The following TSC1 variants were observed in gnomAD, a reference collection of about 807,000 sequenced individuals.
TSC1 encodes the protein hamartin.
In TSC1, 20 loss-of-function variants were observed where a neutral mutation model predicts 124.3. The ratio of observed to expected loss-of-function variants is 0.16; its 90% CI spans 0.11 to 0.23. The LOEUF is 0.23. TSC1 is among the 10% of genes least tolerant of loss of function. TSC1 has a pLI of 1.00. For synonymous variants in TSC1, 493 were observed against 539.1 expected (o/e 0.91, Z 1.19); for missense variants, 1,124 against 1,448.5 (o/e 0.78, Z 3.64).
At chr9:132,937,873 C>T (rs1051215535) in intron 1 of TSC1, among the ~76,000 whole-genome samples, 2 of 152,270 alleles carry the variant, frequency 1.3e-5, no homozygotes, top group East Asian at 3.9e-4. Flanking sequence ...CACCACCATG[C>T]CCAACTAATT....
In TSC1 at chr9:132,925,718, C is replaced by G. The variant is rs1588355838; in HGVS notation, c.232G>C (p.Glu78Gln). The change falls in exon 5 of 23, where the codon GAA (glutamate) becomes CAA (glutamine). Residue 78 changes from glutamate (E) to glutamine (Q), a missense_variant. This residue lies in a region of TSC1 where 463 missense variants were observed against 606.8 expected (regional missense o/e 0.76). Coordinates refer to ENST00000298552, the MANE Select transcript of TSC1 (RefSeq NM_000368.5). Reference protein sequence around the residue: ...HDKHLLDRINEYVGKAATRLS... With the variant: ...HDKHLLDRINQYVGKAATRLS... ...CGAGTGGCGGCTTTGCCCACATATT[C>G]GTTAATCCTGTCCAAGAGGTGCTGA... The G allele has an allele frequency of 1.9e-6, 3 of 1,614,156 alleles. No individual in the cohort carries two copies. Among genetic ancestry groups the G allele is most frequent in the Non-Finnish European group, 2.5e-6 (3 of 1,180,032 alleles).
chr9:132,935,677 C>A (rs1847422765), intron 1 of TSC1, among the ~76,000 whole-genome samples: 1 of 152,202 alleles, frequency 6.6e-6, no homozygotes, highest in Admixed American at 6.5e-5. Context: ...CTGCCACAGT[C>A]CCCACAGTCC....
In TSC1 at chr9:132,906,102, T is replaced by G. The variant is rs1554816067; in HGVS notation, c.1476A>C (p.Ala492=). 2.5e-6 allele frequency: 4 copies of G among 1,613,728 alleles called. No homozygotes were observed. The highest frequency in any genetic ancestry group is 1.3e-5 in the African/African-American group (1 of 75,012). The change falls in exon 15 of 23, where the codon GCA becomes GCC. Residue 492 remains alanine (A), a synonymous_variant. Coordinates refer to ENST00000298552, the MANE Select transcript of TSC1 (RefSeq NM_000368.5). This position sits in a 1 kb window ranked among gnomAD's most constrained non-coding sequence, Gnocchi z 4.1. ...ISRELSEITT[A]EAEPVVPRGG... ...CTCGAGGAACCACAGGCTCTGCCTC[T>G]GCTGTGGTGATCTCAGAAAGTTCTC...
intron 2 of TSC1, among the ~76,000 whole-genome samples, chr9:132,930,587 C>CAAAAAAAA (rs58163733): frequency 2.2e-5 from 1 of 45,234 alleles, no homozygotes; most frequent in African/African-American, 9.9e-5. Context: ...GACTCTGCCT[C>CAAAAAAAA]AAAAAAAAAA....
In TSC1 at chr9:132,891,998, G is replaced by A. The variant is rs1844793618; in HGVS notation, c.*4237C>T. ...TAATGTGGCGCTGCGAAGTGGGGAG[G>A]AAGCTCCTCTGCCATCATTAACTCG... On this transcript the variant is annotated 3_prime_UTR_variant, in exon 23 of 23. Coordinates refer to ENST00000298552, the MANE Select transcript of TSC1 (RefSeq NM_000368.5). 1 of 233,176 alleles carries A rather than the reference G, an allele frequency of 4.3e-6. No individual in the cohort carries two copies. The highest frequency in any genetic ancestry group is 5.6e-5 in the Admixed American group (1 of 17,804). 14.4% of individuals were successfully genotyped at this position (233,176 alleles called of 1,614,324 possible). A position where few individuals can be genotyped will look rare whatever the true frequency, so the allele number is the denominator to read the frequency against.
chr9:132,939,696 C>T (rs1564513787), intron 1 of TSC1, among the ~76,000 whole-genome samples: 1 of 152,206 alleles, frequency 6.6e-6, no homozygotes, highest in Non-Finnish European at 1.5e-5. Flanking sequence ...AGAGCTTCTC[C>T]TAAAAGAGAT....
Position 132,893,341 on chromosome 9 carries a change from GTTTT to G in TSC1, c.*2890_*2893del, listed in dbSNP as rs143549363. Reference sequence around the variant, plus strand: ...CCTTGACCTTCCTACCTTTGGGTTTGTTTTTTTTCTATTCATGACCACGTGTTTC... The same window carrying G: ...CCTTGACCTTCCTACCTTTGGGTTTGTTTTCTATTCATGACCACGTGTTTC... On this transcript the variant is annotated 3_prime_UTR_variant, in exon 23 of 23. Transcript: ENST00000298552. 1 of 232,872 alleles carries G rather than the reference GTTTT, an allele frequency of 4.3e-6. No homozygotes were observed. Among genetic ancestry groups the G allele is most frequent in the Non-Finnish European group, 8.5e-6 (1 of 117,950 alleles). 14.4% of individuals were successfully genotyped at this position (232,872 alleles called of 1,614,324 possible). A position where few individuals can be genotyped will look rare whatever the true frequency, so the allele number is the denominator to read the frequency against.
chr9:132,901,754 A>G (rs1175561484), intron 18 of TSC1, 55 bp from the exon 19 acceptor site: 2 of 1,508,894 alleles, frequency 1.3e-6, no homozygotes, highest in Non-Finnish European at 1.8e-6. Flanking sequence ...GCCAGATCAC[A>G]GGCCTACCTA....
chr9:132,905,505 G>C, intron 15 of TSC1, 76 bp downstream of exon 15: 3 of 1,598,644 alleles, frequency 1.9e-6, no homozygotes, highest in Non-Finnish European at 2.6e-6. Context: ...AATGATTCTT[G>C]TTCCTCTCTT....
chr9:132,907,336 T>C lies in TSC1; in HGVS notation c.1298A>G (p.His433Arg), dbSNP rs1554816403. The change falls in exon 13 of 23, where the codon CAC becomes CGC. Residue 433 changes from histidine to arginine, a missense_variant. Transcript: ENST00000298552. ...GTCATTCAGAAGATGGTGTTGTCTG[T>C]GTAGACATGGTCTTGCAGAATCCAT... ...ERMDSARPCL[H>R]RQHHLLNDRG... 3 of 1,614,206 alleles carry C rather than the reference T, an allele frequency of 1.9e-6. No homozygotes were observed. The highest frequency in any genetic ancestry group is 1.7e-4 in the Middle Eastern group (1 of 6,060).
intron 12 of TSC1, chr9:132,910,317 A>C (rs1845881192): frequency 1.6e-6 from 1 of 638,470 alleles, no homozygotes; most frequent in Non-Finnish European, 2.7e-6. Context: ...AAAAAAAAAA[A>C]AAAAAATCAA....
chr9:132,931,847 G>A (rs1267115331), intron 2 of TSC1, among the ~76,000 whole-genome samples: 1 of 152,196 alleles, frequency 6.6e-6, no homozygotes, highest in Non-Finnish European at 1.5e-5. Flanking sequence ...ACAAAAAAGG[G>A]GAAGAAACCA....
chr9:132,942,019 T>C (rs779602026), intron 1 of TSC1: 2 of 152,200 alleles, frequency 1.3e-5, no homozygotes, highest in Non-Finnish European at 2.9e-5. Context: ...CTCATCGGCA[T>C]TCAAGAATAT....
At chr9:132,944,850 A>G, upstream of TSC1, 4 of 356,888 alleles carry the variant, frequency 1.1e-5, no homozygotes, top group Non-Finnish European at 2.0e-5. Flanking sequence ...ATCCGAAAGG[A>G]GGCTGCGAAG....
intron 5 of TSC1, among the ~76,000 whole-genome samples, chr9:132,924,114 A>G (rs1200293479): frequency 1.3e-5 from 2 of 152,126 alleles, no homozygotes; most frequent in African/African-American, 4.8e-5. Context: ...TATTAAGTCA[A>G]ATAAATAACT....
At chr9:132,900,886 G>A in intron 19 of TSC1, 49 bp from the exon 20 acceptor site, 1 of 1,612,528 alleles carries the variant, frequency 6.2e-7, no homozygotes, top group Non-Finnish European at 8.5e-7. Context: ...CATAAAACTA[G>A]CACATAGACG....
chr9:132,894,013 A>G lies in TSC1; in HGVS notation c.*2222T>C, dbSNP rs146254737. On this transcript the variant is annotated 3_prime_UTR_variant, in exon 23 of 23. Coordinates refer to ENST00000298552, the MANE Select transcript of TSC1 (RefSeq NM_000368.5). Reference sequence around the variant, plus strand: ...CATGACTCCAGGTCTCATTCTCCCAACCGTAGTTGAATAAAACCCACAGCC... The same window carrying G: ...CATGACTCCAGGTCTCATTCTCCCAGCCGTAGTTGAATAAAACCCACAGCC... The G allele has an allele frequency of 2.7e-3, 626 of 233,238 alleles. 5 individuals are homozygous for G. The highest frequency in any genetic ancestry group is 0.013 in the African/African-American group (591 of 45,360). 14.4% of individuals were successfully genotyped at this position (233,238 alleles called of 1,614,324 possible).
At chr9:132,912,161 T>C in intron 9 of TSC1, 121 bp downstream of exon 9, 1 of 1,207,116 alleles carries the variant, frequency 8.3e-7, no homozygotes, top group Non-Finnish European at 1.2e-6. Flanking sequence ...TTTAAGATAT[T>C]TTGGGAAAAA....
intron 1 of TSC1, 89 bp downstream of exon 1, chr9:132,944,454 C>T (rs1176259169): frequency 7.5e-6 from 3 of 397,502 alleles, no homozygotes; most frequent in African/African-American, 2.1e-5. Context: ...TTGCTCCAGC[C>T]CCTCCGAGCC....
Sources: gnomAD v4.1 joint callset for allele counts (sites outside exome capture counted in the v4.1 genomes callset) on GRCh38, gnomAD v4.1.1 for gene constraint, gnomAD v4.1.1 regional missense constraint, Gnocchi (gnomAD v3.1) non-coding constraint, MANE v1.5 for transcripts, NCBI Gene and HGNC (gene_info 2026-07-23, HGNC 2026-07-21) for gene names.